PIBF1: variants seen among roughly 807,000 people sequenced by gnomAD.
PIBF1 encodes progesterone-induced-blocking factor 1.
A neutral mutation model predicts 112.5 loss-of-function variants in PIBF1; 90 were observed. The ratio of observed to expected loss-of-function variants is 0.80; its 90% CI spans 0.67 to 0.95. The LOEUF (loss-of-function observed/expected upper bound fraction) is 0.95, where lower values mean the gene tolerates loss of function less well. PIBF1 is among the 40% of genes least tolerant of loss of function. The pLI, the probability that PIBF1 is intolerant of heterozygous loss-of-function variation, is 0.00. For synonymous variants in PIBF1, 301 were observed against 288.6 expected, an observed-to-expected ratio of 1.04 and a Z score of -0.44; for missense variants, 915 against 852.3, an observed-to-expected ratio of 1.07 and a Z score of -0.92.
intron 9 of PIBF1, among the ~76,000 whole-genome samples, chr13:72,847,770 G>C (rs2037938903): frequency 6.6e-6 from 1 of 152,056 alleles, no homozygotes; most frequent in South Asian, 2.1e-4. Flanking sequence ...TAACTTTTCA[G>C]TCATCTATGA....
At chr13:72,876,167 C>T (rs1292768780) in intron 10 of PIBF1, among the ~76,000 whole-genome samples, 2 of 99,142 alleles carry the variant, frequency 2.0e-5, no homozygotes, top group East Asian at 3.3e-4. Flanking sequence ...TGTGAATGTC[C>T]TATTGCTCTA....
chr13:72,855,003 A>G (rs976981282), intron 10 of PIBF1, among the ~76,000 whole-genome samples: 2 of 152,168 alleles, frequency 1.3e-5, no homozygotes, highest in Non-Finnish European at 2.9e-5. Flanking sequence ...TACACTTTCA[A>G]TTGTTTGACT....
At chr13:72,840,539 T>C (rs1379921612) in intron 9 of PIBF1, among the ~76,000 whole-genome samples, 2 of 151,630 alleles carry the variant, frequency 1.3e-5, no homozygotes, top group Non-Finnish European at 2.9e-5. Context: ...TTTTTTTTTT[T>C]TTTTGACGGA....
intron 10 of PIBF1, among the ~76,000 whole-genome samples, chr13:72,859,944 A>G (rs2038617688): frequency 6.6e-6 from 1 of 152,212 alleles, no homozygotes; most frequent in African/African-American, 2.4e-5. Flanking sequence ...GCGTTCACAT[A>G]TGAAAAAGCT....
chr13:72,835,865 C>T (rs1241797029), intron 9 of PIBF1, among the ~76,000 whole-genome samples: 1 of 151,816 alleles, frequency 6.6e-6, no homozygotes, highest in Non-Finnish European at 1.5e-5. Flanking sequence ...TTTGGGAGGC[C>T]GAGGTGGGCA....
chr13:72,802,533 A>G (rs565104316), intron 5 of PIBF1, among the ~76,000 whole-genome samples: 1 of 152,220 alleles, frequency 6.6e-6, no homozygotes, highest in South Asian at 2.1e-4. Context: ...TGGATGGAGG[A>G]TGTTAAAGAA....
At chr13:72,793,086 A>G (rs1280952106) in intron 3 of PIBF1, among the ~76,000 whole-genome samples, 4 of 152,254 alleles carry the variant, frequency 2.6e-5, no homozygotes, top group Admixed American at 1.3e-4. Context: ...GAGGGCAAAC[A>G]TGAAATCCAT....
chr13:72,959,364 G>T (rs1240738245), intron 14 of PIBF1, among the ~76,000 whole-genome samples: 1 of 152,000 alleles, frequency 6.6e-6, no homozygotes, highest in Admixed American at 6.6e-5. Flanking sequence ...CCAAAGTGTT[G>T]CCCCCCTATC....
intron 13 of PIBF1, among the ~76,000 whole-genome samples, chr13:72,918,078 C>T (rs2041162309): frequency 6.6e-6 from 1 of 152,250 alleles, no homozygotes; most frequent in South Asian, 2.1e-4. Context: ...ATTCCTAACT[C>T]CTCTCTTGCA....
intron 11 of PIBF1, among the ~76,000 whole-genome samples, chr13:72,905,330 T>A (rs2040665627): frequency 1.3e-5 from 2 of 152,122 alleles, no homozygotes; most frequent in African/African-American, 4.8e-5. Context: ...CCTCCCAAAG[T>A]GCTGGGATTA....
chr13:73,009,133 T>C (rs2044122574), intron 17 of PIBF1, among the ~76,000 whole-genome samples: 2 of 152,204 alleles, frequency 1.3e-5, no homozygotes, highest in Admixed American at 1.3e-4. Flanking sequence ...CATGTCTGCA[T>C]TTTAAGCGGG....
chr13:72,980,196 A>T (rs1456784112), intron 16 of PIBF1, among the ~76,000 whole-genome samples: 1 of 152,234 alleles, frequency 6.6e-6, no homozygotes, highest in Admixed American at 6.5e-5. Context: ...GAAAGTCACA[A>T]CATAAAGATG....
At chr13:72,986,278 A>C (rs1327172730) in intron 16 of PIBF1, among the ~76,000 whole-genome samples, 2 of 152,212 alleles carry the variant, frequency 1.3e-5, no homozygotes, top group African/African-American at 4.8e-5. Context: ...CTTGGTCACA[A>C]AGCCAGGCAT....
chr13:72,820,032 T>G (rs2036476219), intron 5 of PIBF1, among the ~76,000 whole-genome samples: 5 of 152,176 alleles, frequency 3.3e-5, no homozygotes, highest in Admixed American at 3.3e-4. Context: ...ATTAAGCTGT[T>G]AATTTGGCTA....
intron 17 of PIBF1, among the ~76,000 whole-genome samples, chr13:73,013,300 CAAAAAA>C (rs869055620): frequency 6.8e-5 from 1 of 14,658 alleles, no homozygotes; most frequent in African/African-American, 2.0e-4. Context: ...GACTCTGTCT[CAAAAAA>C]AAAAAAAAAA....
At chr13:72,936,326 C>G (rs1471554748) in intron 14 of PIBF1, among the ~76,000 whole-genome samples, 1 of 151,978 alleles carries the variant, frequency 6.6e-6, no homozygotes, top group East Asian at 1.9e-4. Context: ...GTGAGCCATC[C>G]CACCCAGCCA....
At chr13:73,013,462 A>G (rs1033664651) in intron 17 of PIBF1, among the ~76,000 whole-genome samples, 1 of 151,908 alleles carries the variant, frequency 6.6e-6, no homozygotes, top group East Asian at 1.9e-4. Context: ...AAAAAAACAA[A>G]AAACGAAAAA....
At chr13:72,962,640 A>G (rs2042637044) in intron 14 of PIBF1, among the ~76,000 whole-genome samples, 1 of 152,080 alleles carries the variant, frequency 6.6e-6, no homozygotes. Context: ...AAATTAACCA[A>G]ATGGACACAA....
Position 72,827,694 on chromosome 13 carries a change from G to A in PIBF1, c.916-39G>A, listed in dbSNP as rs772396812. The A allele has an allele frequency of 4.4e-6, 5 of 1,137,930 alleles. No homozygotes were observed. In the African/African-American group the frequency reaches 4.7e-5, roughly 11 times the overall value. 70.5% of individuals were successfully genotyped at this position (1,137,930 alleles called of 1,614,324 possible). ...ACAGTCAAGCTTGAAAAGTAAGATG[G>A]CATCACTGTGGATACTTTTTGTTTC... On this transcript the variant is annotated intron_variant, in intron 7 of 17. Transcript: ENST00000326291.
Sources: gnomAD v4.1 joint callset for allele counts (sites outside exome capture counted in the v4.1 genomes callset) on GRCh38, gnomAD v4.1.1 for gene constraint, MANE v1.5 for transcripts, NCBI Gene and HGNC (gene_info 2026-07-23, HGNC 2026-07-21) for gene names.